The following PPP6R2 variants were observed in gnomAD, a reference collection of about 807,000 sequenced individuals.
The protein encoded by PPP6R2 is protein phosphatase 6 regulatory subunit 2.
Under a neutral mutation model 100.2 loss-of-function variants are expected in PPP6R2, and 62 were observed. That is an observed-to-expected ratio of 0.62 (90% CI 0.50 to 0.76). The LOEUF is 0.76. Among genes scored for constraint, PPP6R2 ranks in the 30% least tolerant of loss-of-function variants. The pLI, the probability that PPP6R2 is intolerant of heterozygous loss-of-function variation, is 0.00. For synonymous variants in PPP6R2, 525 were observed against 514.7 expected, an observed-to-expected ratio of 1.02 and a Z score of -0.27; for missense variants, 1,142 against 1,276.3, an observed-to-expected ratio of 0.89 and a Z score of 1.60.
intron 6 of PPP6R2, among the ~76,000 whole-genome samples, chr22:50,417,160 G>A (rs2060653780): frequency 6.6e-6 from 1 of 152,242 alleles, no homozygotes; most frequent in South Asian, 2.1e-4. Flanking sequence ...CTCCACTGGG[G>A]TAGAGGCCAG....
chr22:50,382,395 G>A (rs972019791), intron 2 of PPP6R2, among the ~76,000 whole-genome samples: 4 of 151,594 alleles, frequency 2.6e-5, no homozygotes, highest in African/African-American at 9.7e-5. Flanking sequence ...TCAGGAGTTC[G>A]AGACCAGCCT....
At position 50,358,770 on chromosome 22, in the gene PPP6R2, C is replaced by T. The variant is rs115267647; in HGVS notation, c.-147-13250C>T. ...AGGTGGGGTCAGGATGCATTTTTCT[C>T]CATATGGATATGCAATTATTCTGCC... On this transcript the variant is annotated intron_variant, in intron 1 of 23. Transcript: ENST00000612753. Among the ~76,000 whole-genome samples the T allele has an allele frequency of 8.5e-3, 1,289 of 152,206 alleles. 26 individuals are homozygous for T. Among genetic ancestry groups the T allele is most frequent in the African/African-American group, 0.029 (1,215 of 41,528 alleles).
intron 1 of PPP6R2, among the ~76,000 whole-genome samples, chr22:50,358,523 C>G (rs979547892): frequency 6.6e-6 from 1 of 152,134 alleles, no homozygotes; most frequent in African/African-American, 2.4e-5. Flanking sequence ...ATATGATAAA[C>G]TATACATGCT....
At position 50,440,890 on chromosome 22, in the gene PPP6R2, A is replaced by T. The variant is rs758251940; in HGVS notation, c.2443A>T (p.Ser815Cys). Residue 815 changes from serine to cysteine, a missense_variant, in exon 22 of 24, where the codon AGT becomes TGT. By Grantham distance (112) the Ser-to-Cys change is moderately radical (BLOSUM62 -1). Transcript: ENST00000612753. ...GAAGGCCCCCCTGCTGGCCTCTGAC[A>T]GTAGCTCCTCTGGGGGCTCCCACAG... ...TRKAPLLASD[S>C]SSSGGSHSED... 2.2e-5 allele frequency: 36 copies of T among 1,613,696 alleles called. No individual in the cohort carries two copies. The highest frequency in any genetic ancestry group is 2.5e-6 in the Non-Finnish European group (3 of 1,180,000).
At chr22:50,383,950 C>T (rs1426684415) in intron 2 of PPP6R2, among the ~76,000 whole-genome samples, 4 of 149,090 alleles carry the variant, frequency 2.7e-5, no homozygotes, top group Admixed American at 6.9e-5. Context: ...ACGGGAGAAT[C>T]GCTTCAACCC....
At chr22:50,436,758 T>C (rs1006023786) in intron 14 of PPP6R2, among the ~76,000 whole-genome samples, 1 of 152,210 alleles carries the variant, frequency 6.6e-6, no homozygotes, top group Non-Finnish European at 1.5e-5. Context: ...TCCTTTTGCC[T>C]GAGACCCACA....
chr22:50,364,765 A>G (rs2048409883), intron 1 of PPP6R2, among the ~76,000 whole-genome samples: 1 of 152,122 alleles, frequency 6.6e-6, no homozygotes. Context: ...CACTCAGCAT[A>G]TTTAGATAGT....
chr22:50,375,756 G>C (rs143376978), intron 2 of PPP6R2, among the ~76,000 whole-genome samples: 75 of 148,558 alleles, frequency 5.0e-4, no homozygotes, highest in African/African-American at 1.9e-3. Flanking sequence ...TTTCTAGCTT[G>C]TCATCTGACA....
intron 1 of PPP6R2, among the ~76,000 whole-genome samples, chr22:50,359,501 G>A (rs2047361290): frequency 6.6e-6 from 1 of 151,500 alleles, no homozygotes; most frequent in African/African-American, 2.4e-5. Flanking sequence ...ACAGGCATGA[G>A]CCACCATGCC....
intron 1 of PPP6R2, among the ~76,000 whole-genome samples, chr22:50,353,953 T>A (rs1390011404): frequency 6.6e-6 from 1 of 151,980 alleles, no homozygotes; most frequent in East Asian, 1.9e-4. Flanking sequence ...CGATAACTGA[T>A]TATGTATCAG....
upstream of PPP6R2, among the ~76,000 whole-genome samples, chr22:50,338,475 G>GA (rs759521801): frequency 2.2e-5 from 3 of 137,904 alleles, no homozygotes; most frequent in Non-Finnish European, 4.7e-5. Context: ...TGTGTTATGT[G>GA]TGTGTTATGT....
chr22:50,439,731 C>A lies in PPP6R2; in HGVS notation c.2159C>A (p.Pro720Gln). 6.2e-7 allele frequency: 1 copy of A among 1,610,174 alleles called. No individual in the cohort carries two copies. The highest frequency in any genetic ancestry group is 1.1e-5 in the South Asian group (1 of 90,482). ...GAMWTAVFDEPANSTPTAPGV... is the reference protein window; with the variant it reads ...GAMWTAVFDEQANSTPTAPGV... Reference sequence around the variant, plus strand: ...ATGTGGACGGCAGTGTTTGATGAGCCAGCGAACTCAACGCCCACAGCCCCA... The same window carrying A: ...ATGTGGACGGCAGTGTTTGATGAGCAAGCGAACTCAACGCCCACAGCCCCA... The change falls in exon 20 of 24, where the codon CCA becomes CAA. Residue 720 changes from proline to glutamine, a missense_variant. By Grantham distance (76) the Pro-to-Gln change is moderately conservative. Coordinates refer to ENST00000612753, the MANE Select transcript of PPP6R2 (RefSeq NM_001242898.2).
At chr22:50,388,796 C>T (rs1232418765) in intron 2 of PPP6R2, among the ~76,000 whole-genome samples, 1 of 151,342 alleles carries the variant, frequency 6.6e-6, no homozygotes, top group African/African-American at 2.4e-5. Flanking sequence ...GGCTTGAACC[C>T]AGGAGGCGGA....
intron 1 of PPP6R2, among the ~76,000 whole-genome samples, chr22:50,355,852 AC>A (rs199594731): frequency 3.1e-4 from 46 of 150,818 alleles, no homozygotes; most frequent in Non-Finnish European, 4.9e-4. Context: ...AAAAAAAAAA[AC>A]CAAAAAAAAA....
At chr22:50,338,994 ATGTGTGGTATGTGG>A (rs1365784763), upstream of PPP6R2, among the ~76,000 whole-genome samples, 27 of 52,988 alleles carry the variant, frequency 5.1e-4, no homozygotes, top group Admixed American at 4.7e-3. Flanking sequence ...GGTATGTAGT[ATGTGTGGTATGTGG>A]TGTGTGGTGT....
the PPP6R2 span, among the ~76,000 whole-genome samples, chr22:50,332,950 G>A: frequency 6.6e-6 from 1 of 152,054 alleles, no homozygotes; most frequent in Admixed American, 6.6e-5. Context: ...TAGATAATCA[G>A]TTTTTCCAAT....
intron 1 of PPP6R2, among the ~76,000 whole-genome samples, chr22:50,370,526 A>G (rs2049899041): frequency 6.6e-6 from 1 of 152,030 alleles, no homozygotes; most frequent in African/African-American, 2.4e-5. Context: ...TGACCTCGTG[A>G]TCCACCCGCC....
intron 2 of PPP6R2, among the ~76,000 whole-genome samples, chr22:50,380,242 T>C (rs2052565896): frequency 6.6e-6 from 1 of 151,976 alleles, no homozygotes. Flanking sequence ...TTTTTTTTTT[T>C]TGGTATTTTT....
chr22:50,438,476 C>T, intron 18 of PPP6R2, 123 bp from the exon 19 acceptor site: 1 of 1,426,274 alleles, frequency 7.0e-7, no homozygotes, highest in Non-Finnish European at 9.6e-7. Flanking sequence ...CCTGGAGCGT[C>T]TCGTGCTCCT....
Sources: gnomAD v4.1 joint callset for allele counts (sites outside exome capture counted in the v4.1 genomes callset) on GRCh38, gnomAD v4.1.1 for gene constraint, MANE v1.5 for transcripts, NCBI Gene and HGNC (gene_info 2026-07-23, HGNC 2026-07-21) for gene names.